The following COL20A1 variants were observed in gnomAD, a reference collection of about 807,000 sequenced individuals.
COL20A1 encodes collagen alpha-1(XX) chain.
In COL20A1, 164 loss-of-function variants were observed where a neutral mutation model predicts 152.9. The ratio of observed to expected loss-of-function variants is 1.07; its 90% confidence interval spans 0.94 to 1.22. COL20A1 has a LOEUF of 1.22. Among genes scored for constraint, COL20A1 ranks in the 50% most tolerant of loss-of-function variants. The pLI is 0.00. For missense variants in COL20A1, 1,873 were observed against 1,744.8 expected, an observed-to-expected ratio of 1.07 and a Z score of -1.31; for synonymous variants, 864 against 756.0, an observed-to-expected ratio of 1.14 and a Z score of -2.34.
chr20:63,321,897 C>T (rs1391807359), intron 26 of COL20A1, among the ~76,000 whole-genome samples, 161 bp from the exon 27 acceptor site: 1 of 152,112 alleles, frequency 6.6e-6, no homozygotes, highest in African/African-American at 2.4e-5. Flanking sequence ...GCGTCCTTGC[C>T]CTGGAAACCC....
Position 63,320,262 on chromosome 20 carries a change from G to A in COL20A1, c.3076-29G>A, listed in dbSNP as rs77521315. 1.5e-3 allele frequency: 2,395 copies of A among 1,606,974 alleles called. 31 individuals carry two copies. In the African/African-American group the frequency reaches 0.029, roughly 19 times the overall value. On this transcript the variant is annotated intron_variant, in intron 24 of 35. Transcript: ENST00000358894. ...GGGGCTGGCAGCCTCTCTGAGCCCCGGGGCTGAGCCGGCTCCCCTGCGTTG... is the reference window on the plus strand; with the variant it reads ...GGGGCTGGCAGCCTCTCTGAGCCCCAGGGCTGAGCCGGCTCCCCTGCGTTG...
At chr20:63,304,776 C>T (rs1047500791) in intron 3 of COL20A1, among the ~76,000 whole-genome samples, 1 of 152,222 alleles carries the variant, frequency 6.6e-6, no homozygotes, top group South Asian at 2.1e-4. Flanking sequence ...CCTTTTCTCC[C>T]TTGCCTTAGC....
chr20:63,319,393 G>A lies in COL20A1; in HGVS notation c.2807-94G>A. On this transcript the variant is annotated intron_variant, in intron 22 of 35. Coordinates refer to ENST00000358894, the MANE Select transcript of COL20A1 (RefSeq NM_020882.4). This position sits in a 1 kb window ranked among gnomAD's most constrained non-coding sequence, Gnocchi z 4.4. ...TCACCTCCAGCTTGGCACCCTCAGGGCTGCTCCTGTCCTGTCGTGGGGGCC... is the reference window on the plus strand; with the variant it reads ...TCACCTCCAGCTTGGCACCCTCAGGACTGCTCCTGTCCTGTCGTGGGGGCC... 1 of 1,140,878 alleles carries A rather than the reference G, an allele frequency of 8.8e-7. No individual in the cohort carries two copies. Among genetic ancestry groups the A allele is most frequent in the Non-Finnish European group, 1.3e-6 (1 of 798,322 alleles). The allele number at this position is 1,140,878 out of a possible 1,614,324, so 70.7% of individuals were successfully genotyped here.
At chr20:63,325,824 T>C in intron 29 of COL20A1, 103 bp downstream of exon 29, 1 of 1,078,412 alleles carries the variant, frequency 9.3e-7, no homozygotes. Context: ...GGGGAGGTGC[T>C]TTCTCCTGGG....
intron 9 of COL20A1, 66 bp downstream of exon 9, chr20:63,309,563 G>T: frequency 7.1e-7 from 1 of 1,399,846 alleles, no homozygotes; most frequent in Non-Finnish European, 9.4e-7. Context: ...GGGTTGGGGG[G>T]ACGCTGTGGC....
At chr20:63,298,790 G>C (rs546200240) in intron 3 of COL20A1, among the ~76,000 whole-genome samples, 64 of 152,260 alleles carry the variant, frequency 4.2e-4, no homozygotes, top group African/African-American at 1.5e-3. Context: ...CTGACAATGG[G>C]TGCTAATTTT....
At chr20:63,322,907 G>C (rs1388067381) in intron 27 of COL20A1, among the ~76,000 whole-genome samples, 3 of 152,226 alleles carry the variant, frequency 2.0e-5, no homozygotes, top group Non-Finnish European at 4.4e-5. Context: ...CTTTGTCTGC[G>C]GTTGTGCTGG....
chr20:63,318,700 G>A (rs1340362650), intron 21 of COL20A1, among the ~76,000 whole-genome samples: 2 of 152,144 alleles, frequency 1.3e-5, no homozygotes, highest in East Asian at 1.9e-4. Context: ...ATGTGACCTG[G>A]GATGGCCCTG....
At chr20:63,304,195 G>T (rs2067894286) in intron 3 of COL20A1, among the ~76,000 whole-genome samples, 2 of 113,062 alleles carry the variant, frequency 1.8e-5, no homozygotes, top group African/African-American at 6.9e-5. Context: ...GTGCATGTGT[G>T]GGTTCCTCCC....
At position 63,319,306 on chromosome 20, in the gene COL20A1, C is replaced by A; in HGVS notation, c.2806+106C>A. 7.8e-7 allele frequency: 1 copy of A among 1,277,142 alleles called. No homozygotes were observed. The highest frequency in any genetic ancestry group is 1.1e-6 in the Non-Finnish European group (1 of 928,890). The allele number at this position is 1,277,142 out of a possible 1,614,324, so 79.1% of individuals were successfully genotyped here. A position where few individuals can be genotyped will look rare whatever the true frequency, so the allele number is the denominator to read the frequency against. ...GGAAGTCCAGCCTCCAGGCCAGGCC[C>A]TCAGCACCCTCTGGGTGGGAGGCAG... On this transcript the variant is annotated intron_variant, in intron 22 of 35. Coordinates refer to ENST00000358894, the MANE Select transcript of COL20A1 (RefSeq NM_020882.4). The surrounding 1 kb of genome is among the most constrained non-coding windows in gnomAD (Gnocchi z 4.4).
At chr20:63,297,685 C>T (rs569676896) in intron 2 of COL20A1, among the ~76,000 whole-genome samples, 1 of 152,348 alleles carries the variant, frequency 6.6e-6, no homozygotes, top group South Asian at 2.1e-4. Flanking sequence ...GACTGCGGAC[C>T]CCGGGGAGGG....
Position 63,325,435 on chromosome 20 carries a change from C to G in COL20A1, c.3295-6C>G, listed in dbSNP as rs527626212. 4.4e-5 allele frequency: 71 copies of G among 1,611,642 alleles called. No individual in the cohort carries two copies. The East Asian group carries it at 1.4e-3, about 31-fold the overall frequency. On this transcript the variant is annotated splice_region_variant and splice_polypyrimidine_tract_variant and intron_variant, in intron 27 of 35. Transcript: ENST00000358894. ...CTTCGCTGTCCAGCCCATCTTCCCC[C>G]TCCAGGGTCCACCAGGGGTCAAAGG...
In COL20A1 at chr20:63,326,077, C is replaced by G; in HGVS notation, c.3403-19C>G. ...ACAGGTACAAACCCCACCCAGCTTG[C>G]GCCTTCCTTTGCCATCAGGGAATGA... On this transcript the variant is annotated intron_variant, in intron 29 of 35. Transcript: ENST00000358894. 2 of 1,611,372 alleles carry G rather than the reference C, an allele frequency of 1.2e-6. No individual in the cohort carries two copies. Among genetic ancestry groups the G allele is most frequent in the Non-Finnish European group, 1.7e-6 (2 of 1,178,464 alleles).
At position 63,319,823 on chromosome 20, in the gene COL20A1, C is replaced by T. The variant is rs879372425; in HGVS notation, c.2917-216C>T. On this transcript the variant is annotated intron_variant, in intron 23 of 35. Transcript: ENST00000358894. The surrounding 1 kb of genome is among the most constrained non-coding windows in gnomAD (Gnocchi z 4.4). ...GGGACCCACAGACCCCGGGAGGCTCCTGCAGCAGGTGCCATTTGGTCCATT... is the reference window on the plus strand; with the variant it reads ...GGGACCCACAGACCCCGGGAGGCTCTTGCAGCAGGTGCCATTTGGTCCATT... 1.3e-5 allele frequency among the ~76,000 whole-genome samples: 2 copies of T among 152,140 alleles called. No individual in the cohort carries two copies. The highest frequency in any genetic ancestry group is 2.9e-5 in the Non-Finnish European group (2 of 67,990).
In COL20A1 at chr20:63,310,399, G is replaced by A. The variant is rs767371774; in HGVS notation, c.1282G>A (p.Ala428Thr). ...GTTCCAGGTGGTGGTGGAGGGACCC[G>A]CCGCCTCCACGGAGCTGCACAACCT... ...TPREVVVEGPAASTELHNLAS... is the reference protein window; with the variant it reads ...TPREVVVEGPTASTELHNLAS... The change falls in exon 11 of 36, where the codon GCC becomes ACC. Residue 428 changes from alanine (A) to threonine (T), a missense_variant. Transcript: ENST00000358894. 39 of 1,610,716 alleles carry A rather than the reference G, an allele frequency of 2.4e-5. No homozygotes were observed. Among genetic ancestry groups the A allele is most frequent in the Non-Finnish European group, 2.9e-5 (34 of 1,179,104 alleles).
chr20:63,311,734 T>C lies in COL20A1; in HGVS notation c.1649T>C (p.Ile550Thr). 6.3e-7 allele frequency: 1 copy of C among 1,594,180 alleles called. No individual in the cohort carries two copies. Among genetic ancestry groups the C allele is most frequent in the Non-Finnish European group, 8.5e-7 (1 of 1,174,914 alleles). Residue 550 changes from isoleucine to threonine, a missense_variant, in exon 13 of 36, where the codon ATC (isoleucine) becomes ACC (threonine). By Grantham distance (89) the Ile-to-Thr change is moderately conservative. Transcript: ENST00000358894. The surrounding 1 kb of genome is among the most constrained non-coding windows in gnomAD (Gnocchi z 4.4). ...CCTGAGGGCAGCGAGGCCCGGGGCA[T>C]CCGTGCCAGGACCCGTGAGTGCTCC... ...RGPEGSEARG[I>T]RARTPTLAPP...
chr20:63,302,722 C>T (rs909168616), intron 3 of COL20A1, among the ~76,000 whole-genome samples: 1 of 152,208 alleles, frequency 6.6e-6, no homozygotes, highest in African/African-American at 2.4e-5. Context: ...TAATCTAAAG[C>T]AGTTTCCCCC....
Position 63,313,941 on chromosome 20 carries a change from A to G in COL20A1, c.2358+50A>G. 1 of 1,582,194 alleles carries G rather than the reference A, an allele frequency of 6.3e-7. No homozygotes were observed. The highest frequency in any genetic ancestry group is 1.3e-5 in the African/African-American group (1 of 74,256). ...TGCCCCACCTCGTGGGGCCTCCTGGAAGGGGTATGGCCACACTGTCTGCGA... is the reference window on the plus strand; with the variant it reads ...TGCCCCACCTCGTGGGGCCTCCTGGGAGGGGTATGGCCACACTGTCTGCGA... On this transcript the variant is annotated intron_variant, in intron 18 of 35. Coordinates refer to ENST00000358894, the MANE Select transcript of COL20A1 (RefSeq NM_020882.4). This position sits in a 1 kb window ranked among gnomAD's most constrained non-coding sequence, Gnocchi z 5.9.
chr20:63,297,028 G>T (rs2067802681), intron 2 of COL20A1, among the ~76,000 whole-genome samples: 1 of 152,208 alleles, frequency 6.6e-6, no homozygotes, highest in South Asian at 2.1e-4. Context: ...CTCTCAGATG[G>T]CCTGGACACC....
Sources: allele counts gnomAD v4.1 joint callset (sites outside exome capture counted in the v4.1 genomes callset), GRCh38; gene constraint gnomAD v4.1.1; non-coding constraint Gnocchi (gnomAD v3.1); transcripts MANE v1.5; gene names NCBI Gene and HGNC (gene_info 2026-07-23, HGNC 2026-07-21).